GPC5: variants seen among roughly 807,000 people sequenced by gnomAD.
The protein encoded by GPC5 is glypican 5, also known as glypican-5.
GPC5 carries 47 observed loss-of-function variants against 53.9 expected under a neutral mutation model. The observed-to-expected ratio is 0.87, with a 90% CI of 0.69 to 1.11. The LOEUF is 1.11. GPC5 is among the 50% of genes most tolerant of loss of function. The pLI is 0.00. For missense variants in GPC5, 748 were observed against 713.1 expected, an observed-to-expected ratio of 1.05 and a Z score of -0.56; for synonymous variants, 286 against 263.3, an observed-to-expected ratio of 1.09 and a Z score of -0.84.
chr13:92,183,269 G>T (rs1288904845), intron 7 of GPC5, among the ~76,000 whole-genome samples: 2 of 152,164 alleles, frequency 1.3e-5, no homozygotes, highest in Non-Finnish European at 2.9e-5. Context: ...GTGGTAATAA[G>T]CTCTTACGAA....
At chr13:92,468,037 CT>C (rs957528438) in intron 7 of GPC5, among the ~76,000 whole-genome samples, 7 of 151,834 alleles carry the variant, frequency 4.6e-5, no homozygotes, top group Non-Finnish European at 8.8e-5. Flanking sequence ...ACTTTCCCAC[CT>C]TTTTTTTCTG....
At chr13:92,387,503 T>C (rs1287155937) in intron 7 of GPC5, among the ~76,000 whole-genome samples, 5 of 152,068 alleles carry the variant, frequency 3.3e-5, no homozygotes, top group African/African-American at 9.7e-5. Context: ...AGGCTGTAAG[T>C]TGTACAGCCT....
At chr13:92,486,155 A>G (rs1879545068) in intron 7 of GPC5, among the ~76,000 whole-genome samples, 2 of 152,060 alleles carry the variant, frequency 1.3e-5, no homozygotes, top group African/African-American at 2.4e-5. Flanking sequence ...TCTTTTTTAC[A>G]CTGGAATTTA....
intron 7 of GPC5, among the ~76,000 whole-genome samples, chr13:92,627,598 A>G (rs1268142784): frequency 2.0e-5 from 3 of 152,208 alleles, no homozygotes; most frequent in African/African-American, 7.2e-5. Context: ...GCATTTCTAC[A>G]GGCATTAGCA....
intron 4 of GPC5, among the ~76,000 whole-genome samples, chr13:91,743,362 G>T (rs774885807): frequency 3.9e-5 from 6 of 152,048 alleles, no homozygotes; most frequent in Admixed American, 6.6e-5. Flanking sequence ...ATCTGTGGGG[G>T]CATAATTTAA....
intron 6 of GPC5, among the ~76,000 whole-genome samples, chr13:92,073,393 A>G (rs1333213005): frequency 1.3e-5 from 2 of 152,198 alleles, no homozygotes; most frequent in African/African-American, 4.8e-5. Context: ...GCATCATTTT[A>G]TATACAGATT....
intron 7 of GPC5, among the ~76,000 whole-genome samples, chr13:92,339,119 A>C (rs1326366115): frequency 6.6e-6 from 1 of 151,782 alleles, no homozygotes; most frequent in African/African-American, 2.4e-5. Flanking sequence ...GTCAAAGAAC[A>C]GGTCATAGAG....
chr13:92,592,526 C>A (rs1395442804), intron 7 of GPC5, among the ~76,000 whole-genome samples: 1 of 151,064 alleles, frequency 6.6e-6, no homozygotes, highest in Non-Finnish European at 1.5e-5. Flanking sequence ...AATTCTTAAC[C>A]CTTTGTGGAG....
chr13:91,638,359 CTTTTTCTTTTT>C (rs1190862219), intron 2 of GPC5, among the ~76,000 whole-genome samples: 7 of 151,712 alleles, frequency 4.6e-5, no homozygotes, highest in Admixed American at 2.0e-4. Flanking sequence ...ACATTTCTTT[CTTTTTCTTTTT>C]TTTTTCTTTT....
intron 7 of GPC5, among the ~76,000 whole-genome samples, chr13:92,310,647 A>G (rs572505214): frequency 2.7e-4 from 41 of 152,342 alleles, no homozygotes; most frequent in African/African-American, 9.6e-4. Flanking sequence ...TATCATAGAA[A>G]GGGATAGGCC....
intron 5 of GPC5, among the ~76,000 whole-genome samples, chr13:91,814,504 T>G (rs1412981099): frequency 3.3e-5 from 5 of 152,086 alleles, no homozygotes; most frequent in Admixed American, 1.3e-4. Flanking sequence ...GCAGTAGTTT[T>G]TGATCATATG....
chr13:92,238,094 G>C (rs1184605), intron 7 of GPC5, among the ~76,000 whole-genome samples: 85,276 of 151,418 alleles, frequency 0.56, 24,219 homozygotes, highest in South Asian at 0.65. Flanking sequence ...GGTCACCTCT[G>C]TTTTTGTTTG....
chr13:92,263,768 CTTGTATTATCGGCCA>C (rs1442981043), intron 7 of GPC5, among the ~76,000 whole-genome samples: 1 of 152,066 alleles, frequency 6.6e-6, no homozygotes, highest in African/African-American at 2.4e-5. Context: ...AAAATGTTTT[CTTGTATTATCGGCCA>C]TATCACCGAT....
At chr13:91,911,503 A>G (rs551606380) in intron 6 of GPC5, among the ~76,000 whole-genome samples, 2 of 152,298 alleles carry the variant, frequency 1.3e-5, no homozygotes, top group South Asian at 4.1e-4. Context: ...AGATGGCACC[A>G]CTGCACTCCT....
chr13:92,839,545 CAT>C (rs998607052), intron 7 of GPC5, among the ~76,000 whole-genome samples: 9 of 151,798 alleles, frequency 5.9e-5, no homozygotes, highest in East Asian at 1.9e-4. Flanking sequence ...TAAGTGAAAA[CAT>C]GTGGTATTTG....
chr13:92,142,060 A>G (rs1466875802), intron 6 of GPC5, among the ~76,000 whole-genome samples: 2 of 152,164 alleles, frequency 1.3e-5, no homozygotes, highest in African/African-American at 4.8e-5. Context: ...TTTGGGGGAC[A>G]GTGGGAGGGA....
chr13:92,438,347 A>G (rs1254662692), intron 7 of GPC5, among the ~76,000 whole-genome samples: 2 of 149,252 alleles, frequency 1.3e-5, no homozygotes, highest in Admixed American at 6.7e-5. Flanking sequence ...TGACCTTTTT[A>G]AGGTGATAGA....
chr13:91,992,366 G>A (rs1335894229), intron 6 of GPC5, among the ~76,000 whole-genome samples: 4 of 152,020 alleles, frequency 2.6e-5, no homozygotes, highest in Non-Finnish European at 5.9e-5. Flanking sequence ...CCAGTAGCCA[G>A]TGGAAAACAT....
At chr13:91,601,205 T>G (rs1181317346) in intron 2 of GPC5, among the ~76,000 whole-genome samples, 1 of 152,202 alleles carries the variant, frequency 6.6e-6, no homozygotes, top group East Asian at 1.9e-4. Flanking sequence ...CATAGAAATA[T>G]GTACCTAACT....
Sources: allele counts gnomAD v4.1 joint callset (sites outside exome capture counted in the v4.1 genomes callset), GRCh38; gene constraint gnomAD v4.1.1; transcripts MANE v1.5; gene names NCBI Gene and HGNC (gene_info 2026-07-23, HGNC 2026-07-21).